The following ACSL1 variants were observed in gnomAD, a reference collection of about 807,000 sequenced individuals.
The protein encoded by ACSL1 is long-chain-fatty-acid--CoA ligase 1.
In ACSL1, 41 loss-of-function variants were observed where a neutral mutation model predicts 98.4. The ratio of observed to expected loss-of-function variants is 0.42; its 90% CI spans 0.32 to 0.54. ACSL1 has a LOEUF of 0.54. ACSL1 is among the 20% of genes least tolerant of loss of function. The probability of loss-of-function intolerance (pLI) is 0.13; values close to 1 mark genes in which losing one functional copy is unlikely to be tolerated. For synonymous variants in ACSL1, 316 were observed against 322.7 expected, an observed-to-expected ratio of 0.98 and a Z score of 0.22; for missense variants, 734 against 883.1, an observed-to-expected ratio of 0.83 and a Z score of 2.14.
rs1762670639 is a variant in ACSL1, at chr4:184,760,246, ATG to A, written c.1782+109_1782+110del. 4 of 1,267,978 alleles carry A rather than the reference ATG, an allele frequency of 3.2e-6. No homozygotes were observed. In the African/African-American group the frequency reaches 6.0e-5, roughly 19 times the overall value. The allele number at this position is 1,267,978 out of a possible 1,614,324, so 78.5% of individuals were successfully genotyped here. A position where few individuals can be genotyped will look rare whatever the true frequency, so the allele number is the denominator to read the frequency against. ...TCAATGATATTCTAGCAGATTAGACATGAAAGCCAAGTGATAGGCGTCTCAAA... is the reference window on the plus strand; with the variant it reads ...TCAATGATATTCTAGCAGATTAGACAAAAGCCAAGTGATAGGCGTCTCAAA... On this transcript the variant is annotated intron_variant, in intron 18 of 20. Transcript: ENST00000281455.
intron 1 of ACSL1, among the ~76,000 whole-genome samples, chr4:184,818,171 T>C (rs924672330): frequency 1.3e-5 from 2 of 152,176 alleles, no homozygotes; most frequent in African/African-American, 2.4e-5. Flanking sequence ...TGAGGCGCAA[T>C]GTAGGTAACT....
chr4:184,784,559 C>T (rs914164414), intron 3 of ACSL1, among the ~76,000 whole-genome samples: 7 of 152,244 alleles, frequency 4.6e-5, no homozygotes, highest in Admixed American at 6.5e-5. Context: ...TGACGTGAAG[C>T]GGTATCTGGG....
chr4:184,778,810 A>G (rs1012215918), intron 5 of ACSL1, among the ~76,000 whole-genome samples: 1 of 152,194 alleles, frequency 6.6e-6, no homozygotes, highest in Non-Finnish European at 1.5e-5. Flanking sequence ...AATTCCATCA[A>G]AACAAACATT....
At chr4:184,793,737 G>A (rs1768832310) in intron 2 of ACSL1, among the ~76,000 whole-genome samples, 1 of 152,210 alleles carries the variant, frequency 6.6e-6, no homozygotes, top group Non-Finnish European at 1.5e-5. Context: ...GACTGCCAAA[G>A]ACGTGGCTGG....
At chr4:184,796,674 A>T (rs1046793168) in intron 2 of ACSL1, among the ~76,000 whole-genome samples, 1 of 152,238 alleles carries the variant, frequency 6.6e-6, no homozygotes, top group Non-Finnish European at 1.5e-5. Flanking sequence ...AGGATGAAGG[A>T]TAGGGATGTA....
chr4:184,796,779 A>C (rs1216110943), intron 2 of ACSL1, among the ~76,000 whole-genome samples: 1 of 152,236 alleles, frequency 6.6e-6, no homozygotes, highest in Non-Finnish European at 1.5e-5. Context: ...AAAGCTTCCC[A>C]GAGATGAGAA....
chr4:184,758,065 C>A, intron 18 of ACSL1, 145 bp from the exon 19 acceptor site: 6 of 712,964 alleles, frequency 8.4e-6, no homozygotes, highest in Non-Finnish European at 1.4e-5. Context: ...CCCCCTCCCC[C>A]AGGAGTTCAC....
chr4:184,813,410 G>A (rs866840169), intron 1 of ACSL1, among the ~76,000 whole-genome samples: 15 of 152,268 alleles, frequency 9.9e-5, no homozygotes, highest in Admixed American at 3.3e-4. Context: ...TTGTGGCAGC[G>A]GATGGAGACA....
chr4:184,811,409 G>GCCAGATTTTTATTT (rs1477937804), intron 1 of ACSL1, among the ~76,000 whole-genome samples: 1 of 152,144 alleles, frequency 6.6e-6, no homozygotes, highest in African/African-American at 2.4e-5. Context: ...ACCGCGCCCA[G>GCCAGATTTTTATTT]CTGCACAATG....
rs201322116 is a variant in ACSL1, at chr4:184,773,817, A to T, written c.789+26T>A. 1.2e-6 allele frequency: 2 copies of T among 1,613,722 alleles called. No homozygotes were observed. The highest frequency in any genetic ancestry group is 1.7e-6 in the Non-Finnish European group (2 of 1,179,886). On this transcript the variant is annotated intron_variant, in intron 8 of 20. Transcript: ENST00000281455. The surrounding 1 kb of genome is among the most constrained non-coding windows in gnomAD (Gnocchi z 4.3). ...ATATTGAAAACTACAAAGAGGACAG[A>T]GCAGGGTCTGACACGGTGTGCTTAC...
At chr4:184,822,119 C>G (rs572468237) in intron 1 of ACSL1, among the ~76,000 whole-genome samples, 39 of 152,260 alleles carry the variant, frequency 2.6e-4, no homozygotes, top group Admixed American at 2.4e-3. Flanking sequence ...AGCCCAGGCA[C>G]CTATATGGAA....
chr4:184,776,500 C>T lies in ACSL1; in HGVS notation c.740G>A (p.Ser247Asn), dbSNP rs780168100. 3.7e-6 allele frequency: 6 copies of T among 1,612,918 alleles called. No individual in the cohort carries two copies. The South Asian group carries it at 6.6e-5, about 18-fold the overall frequency. ...GGCACTCACCTCCATCGCCTTCATG[C>T]TGGTGACTTCCACCCCACACCTCTG... ...RGQRCGVEVT[S>N]MKAMEDLGRA... The change falls in exon 7 of 21, where the codon AGC becomes AAC. Residue 247 changes from serine (S) to asparagine (N), a missense_variant. Physicochemically the swap from Ser to Asn is conservative, Grantham distance 46. Transcript: ENST00000281455.
At chr4:184,811,328 G>A (rs183008669) in intron 1 of ACSL1, among the ~76,000 whole-genome samples, 40 of 152,092 alleles carry the variant, frequency 2.6e-4, no homozygotes, top group South Asian at 4.2e-4. Context: ...TGGCCAGGAT[G>A]GTCTCGATCT....
chr4:184,802,772 C>A (rs1770743810), intron 2 of ACSL1, among the ~76,000 whole-genome samples: 1 of 152,198 alleles, frequency 6.6e-6, no homozygotes, highest in Non-Finnish European at 1.5e-5. Flanking sequence ...AGCAGCCCAG[C>A]CAGACGCGCC....
At position 184,773,603 on chromosome 4, in the gene ACSL1, T is replaced by A; in HGVS notation, c.841+60A>T. On this transcript the variant is annotated intron_variant, in intron 9 of 20. Transcript: ENST00000281455. This position sits in a 1 kb window ranked among gnomAD's most constrained non-coding sequence, Gnocchi z 4.3. ...TAGCTGATAAGTCATCCAAAAGAGG[T>A]AGGGGAGAGTCCAGACCAATGGCTG... is the stretch of plus-strand genomic sequence containing the variant. 1 of 1,490,404 alleles carries A rather than the reference T, an allele frequency of 6.7e-7. No homozygotes were observed. Among genetic ancestry groups the A allele is most frequent in the Non-Finnish European group, 9.1e-7 (1 of 1,095,984 alleles). 92.3% of individuals were successfully genotyped at this position (1,490,404 alleles called of 1,614,324 possible). A position where few individuals can be genotyped will look rare whatever the true frequency, so the allele number is the denominator to read the frequency against.
chr4:184,759,783 T>G (rs1214971503), intron 18 of ACSL1, among the ~76,000 whole-genome samples: 2 of 152,222 alleles, frequency 1.3e-5, no homozygotes, highest in Non-Finnish European at 2.9e-5. Flanking sequence ...TGGCGATTCC[T>G]CAGGGATCTA....
At position 184,762,459 on chromosome 4, in the gene ACSL1, G is replaced by T; in HGVS notation, c.1586C>A (p.Ala529Asp). The change falls in exon 17 of 21, where the codon GCT becomes GAT. Residue 529 changes from alanine (A) to aspartate (D), a missense_variant. Transcript: ENST00000281455. ...GTGTAACCAGCCGTCTTTGTCCAAA[G>T]CTTCTGCTGTTTTCGCTGGGTCCTT... is the stretch of plus-strand genomic sequence containing the variant. ...YLKDPAKTAE[A>D]LDKDGWLHTG... The T allele has an allele frequency of 1.2e-6, 2 of 1,614,230 alleles. No individual in the cohort carries two copies. Among genetic ancestry groups the T allele is most frequent in the Non-Finnish European group, 1.7e-6 (2 of 1,180,042 alleles).
At position 184,773,943 on chromosome 4, in the gene ACSL1, G is replaced by A. The variant is rs1374322174; in HGVS notation, c.757-68C>T. 14 of 1,575,668 alleles carry A rather than the reference G, an allele frequency of 8.9e-6. No individual in the cohort carries two copies. Among genetic ancestry groups the A allele is most frequent in the African/African-American group, 5.4e-5 (4 of 74,114 alleles). ...TAACTGTAAAGGATAAGGTCACATCGAGTCACTTAAAGCTGGCTTTACTGT... is the reference window on the plus strand; with the variant it reads ...TAACTGTAAAGGATAAGGTCACATCAAGTCACTTAAAGCTGGCTTTACTGT... On this transcript the variant is annotated intron_variant, in intron 7 of 20. Transcript: ENST00000281455. This position sits in a 1 kb window ranked among gnomAD's most constrained non-coding sequence, Gnocchi z 4.3.
chr4:184,809,662 G>A (rs1229509902), intron 1 of ACSL1, among the ~76,000 whole-genome samples: 3 of 152,082 alleles, frequency 2.0e-5, no homozygotes, highest in African/African-American at 4.8e-5. Context: ...CAGGCGTGGT[G>A]GCAGGCGCCT....
Sources: allele counts gnomAD v4.1 joint callset (sites outside exome capture counted in the v4.1 genomes callset), GRCh38; gene constraint gnomAD v4.1.1; non-coding constraint Gnocchi (gnomAD v3.1); transcripts MANE v1.5; gene names NCBI Gene and HGNC (gene_info 2026-07-23, HGNC 2026-07-21).